Variants in DOK6 observed in about 807,000 individuals in gnomAD.
DOK6 encodes downstream of tyrosine kinase 6.
A neutral mutation model predicts 44.0 loss-of-function variants in DOK6; 22 were observed. The ratio of observed to expected loss-of-function variants is 0.50; its 90% confidence interval spans 0.36 to 0.71. DOK6 has a LOEUF of 0.71. DOK6 is among the 30% of genes least tolerant of loss of function. The probability of loss-of-function intolerance (pLI) is 0.00; values close to 1 mark genes in which losing one functional copy is unlikely to be tolerated. For synonymous variants in DOK6, 166 were observed against 145.5 expected (o/e 1.14, Z -1.01); for missense variants, 340 against 416.4 (o/e 0.82, Z 1.60).
intron 3 of DOK6, among the ~76,000 whole-genome samples, chr18:69,667,750 C>T (rs1009693405): frequency 7.9e-5 from 12 of 152,152 alleles, no homozygotes; most frequent in African/African-American, 2.9e-4. Context: ...TCCCAAATAT[C>T]GAACTGTGGG....
intron 1 of DOK6, among the ~76,000 whole-genome samples, chr18:69,504,328 G>C (rs1404629334): frequency 6.6e-6 from 1 of 151,434 alleles, no homozygotes; most frequent in East Asian, 1.9e-4. Context: ...GACAAACTAT[G>C]AGCAAGAAGA....
chr18:69,703,571 C>G (rs1001423046), intron 5 of DOK6, among the ~76,000 whole-genome samples: 6 of 152,202 alleles, frequency 3.9e-5, no homozygotes, highest in African/African-American at 1.4e-4. Flanking sequence ...TTCTCAATAG[C>G]TCAATACAAC....
intron 7 of DOK6, among the ~76,000 whole-genome samples, chr18:69,784,969 C>T (rs552762818): frequency 6.6e-5 from 10 of 152,260 alleles, no homozygotes; most frequent in African/African-American, 1.2e-4. Flanking sequence ...ATAAACACTA[C>T]GGCAACACTT....
intron 7 of DOK6, among the ~76,000 whole-genome samples, chr18:69,835,829 C>T (rs919903152): frequency 1.3e-5 from 2 of 152,168 alleles, no homozygotes; most frequent in African/African-American, 4.8e-5. Context: ...CAGATTCTAA[C>T]AAAGTAATAA....
chr18:69,530,327 C>T (rs1248546259), intron 1 of DOK6, among the ~76,000 whole-genome samples: 1 of 150,228 alleles, frequency 6.7e-6, no homozygotes, highest in South Asian at 2.1e-4. Flanking sequence ...CATCTTAAAG[C>T]AAAAACACTT....
At chr18:69,583,043 C>T (rs1439841518) in intron 2 of DOK6, among the ~76,000 whole-genome samples, 1 of 152,192 alleles carries the variant, frequency 6.6e-6, no homozygotes. Flanking sequence ...CTCCTTGTGA[C>T]CCAGTGTGAG....
intron 3 of DOK6, among the ~76,000 whole-genome samples, chr18:69,636,356 C>T (rs1211681866): frequency 1.3e-5 from 2 of 152,192 alleles, no homozygotes; most frequent in Non-Finnish European, 2.9e-5. Flanking sequence ...ACAAGTGGCA[C>T]AGACCCCCTT....
At chr18:69,416,127 A>G (rs1383126191) in intron 1 of DOK6, among the ~76,000 whole-genome samples, 1 of 129,426 alleles carries the variant, frequency 7.7e-6, no homozygotes, top group Non-Finnish European at 1.6e-5. Flanking sequence ...GGAGGGACGG[A>G]GGAAGGGAGG....
intron 1 of DOK6, among the ~76,000 whole-genome samples, chr18:69,475,043 A>G (rs1023941336): frequency 2.0e-5 from 3 of 152,232 alleles, no homozygotes; most frequent in Admixed American, 1.3e-4. Context: ...CCAGAAGGGT[A>G]CATTTTGCAT....
intron 1 of DOK6, 147 bp downstream of exon 1, chr18:69,401,457 C>G: frequency 1.0e-6 from 1 of 991,626 alleles, no homozygotes; most frequent in Non-Finnish European, 1.4e-6. Flanking sequence ...GTTGCTTGGC[C>G]AGGTGGGGGC....
At chr18:69,416,736 C>G (rs1433217747) in intron 1 of DOK6, among the ~76,000 whole-genome samples, 1 of 152,096 alleles carries the variant, frequency 6.6e-6, no homozygotes, top group Admixed American at 6.6e-5. Flanking sequence ...AACCTAGGCC[C>G]ACCTCATAGG....
intron 3 of DOK6, among the ~76,000 whole-genome samples, chr18:69,600,363 G>A (rs567120513): frequency 5.3e-5 from 8 of 152,168 alleles, no homozygotes; most frequent in African/African-American, 1.7e-4. Context: ...CCTTATCTTA[G>A]TATGGCTAAA....
intron 1 of DOK6, among the ~76,000 whole-genome samples, chr18:69,408,852 A>G (rs1469742387): frequency 1.3e-5 from 2 of 152,228 alleles, no homozygotes; most frequent in East Asian, 3.8e-4. Context: ...TTAAATCAAA[A>G]TAGATGTATT....
intron 1 of DOK6, among the ~76,000 whole-genome samples, chr18:69,422,439 T>A (rs1200772081): frequency 6.6e-6 from 1 of 152,234 alleles, no homozygotes; most frequent in East Asian, 1.9e-4. Flanking sequence ...CTAAATAGAA[T>A]ATATTCTGTT....
chr18:69,678,343 C>T lies in DOK6; in HGVS notation c.409+490C>T, dbSNP rs536984930. Among the ~76,000 whole-genome samples the T allele has an allele frequency of 1.1e-4, 16 of 152,266 alleles. No homozygotes were observed. In the South Asian group the frequency reaches 1.4e-3, roughly 14 times the overall value. On this transcript the variant is annotated intron_variant, in intron 4 of 7. Transcript: ENST00000382713. ...CTGGAGAAAATGCTAAGGTACAACC[C>T]GGGTCTCCTGGCTTCTTGTCTGTGG...
rs1361436134 is a variant in DOK6 at position 69,446,217 on chromosome 18, C to T, written c.66+44907C>T. Among the ~76,000 whole-genome samples the T allele has an allele frequency of 4.1e-5, 5 of 122,326 alleles. No homozygotes were observed. The South Asian group carries it at 1.6e-3, about 40-fold the overall frequency. 80.3% of individuals were successfully genotyped at this position (122,326 alleles called of 152,430 possible). A position where few individuals can be genotyped will look rare whatever the true frequency, so the allele number is the denominator to read the frequency against. On this transcript the variant is annotated intron_variant, in intron 1 of 7. Transcript: ENST00000382713. ...GCTATCCCTCCCCCCTCCCCCCACC[C>T]CACGACAGGCCCCAGTGTGTGATGT...
intron 1 of DOK6, among the ~76,000 whole-genome samples, chr18:69,514,102 C>T (rs894510267): frequency 6.6e-6 from 1 of 151,758 alleles, no homozygotes; most frequent in Admixed American, 6.6e-5. Flanking sequence ...TAGATTTTTT[C>T]TCTTGAAATT....
At chr18:69,466,497 G>A (rs1979931285) in intron 1 of DOK6, among the ~76,000 whole-genome samples, 1 of 152,046 alleles carries the variant, frequency 6.6e-6, no homozygotes, top group South Asian at 2.1e-4. Flanking sequence ...TTATCCCCGA[G>A]ATAGTGTTTT....
intron 1 of DOK6, among the ~76,000 whole-genome samples, chr18:69,507,271 C>T (rs1299201278): frequency 1.3e-5 from 2 of 152,138 alleles, no homozygotes; most frequent in Non-Finnish European, 2.9e-5. Context: ...TTGTGATCCG[C>T]CCACCTCGGC....
Sources: allele counts gnomAD v4.1 joint callset (sites outside exome capture counted in the v4.1 genomes callset), GRCh38; gene constraint gnomAD v4.1.1; transcripts MANE v1.5; gene names NCBI Gene and HGNC (gene_info 2026-07-23, HGNC 2026-07-21).